ADARB2: variants seen among roughly 807,000 people sequenced by gnomAD.
ADARB2 encodes the protein adenosine deaminase RNA specific B2 (inactive).
In ADARB2, 25 loss-of-function variants were observed where a neutral mutation model predicts 62.2. The ratio of observed to expected loss-of-function variants is 0.40; its 90% confidence interval spans 0.29 to 0.56. The LOEUF is 0.56. Among genes scored for constraint, ADARB2 ranks in the 20% least tolerant of loss-of-function variants. ADARB2 has a pLI of 0.43. For missense variants in ADARB2, 1,071 were observed against 1,077.4 expected (o/e 0.99, Z 0.08); for synonymous variants, 572 against 500.8 (o/e 1.14, Z -1.90).
At chr10:1,584,182 G>T (rs35193555) in intron 1 of ADARB2, among the ~76,000 whole-genome samples, 15,439 of 152,082 alleles carry the variant, frequency 0.1, 869 homozygotes, top group Admixed American at 0.14. Flanking sequence ...CCAACATCAA[G>T]AAAATGAGAA....
At chr10:1,376,657 G>A (rs1323125150) in intron 2 of ADARB2, among the ~76,000 whole-genome samples, 4 of 152,256 alleles carry the variant, frequency 2.6e-5, no homozygotes, top group Non-Finnish European at 4.4e-5. Context: ...ACAGAAAGGC[G>A]GCTGCTGCAC....
At chr10:1,532,700 G>A (rs1832262382) in intron 1 of ADARB2, among the ~76,000 whole-genome samples, 1 of 152,202 alleles carries the variant, frequency 6.6e-6, no homozygotes. Flanking sequence ...GTGATGATCA[G>A]AAACATTTCT....
At chr10:1,570,240 G>A (rs1314009064) in intron 1 of ADARB2, among the ~76,000 whole-genome samples, 6 of 152,262 alleles carry the variant, frequency 3.9e-5, no homozygotes, top group Middle Eastern at 3.4e-3. Flanking sequence ...AAATGTTTGC[G>A]GTATGGTGAA....
At position 1,243,955 on chromosome 10, in the gene ADARB2, C is replaced by T. The variant is rs959872141; in HGVS notation, c.1193-1656G>A. ...CTCAGGAAGTGACCAGACTTCCCCA[C>T]GCCGCTTTAATCAGAACAGGACACG... On this transcript the variant is annotated intron_variant, in intron 4 of 9. Coordinates refer to ENST00000381312, the MANE Select transcript of ADARB2 (RefSeq NM_018702.4). 2.6e-4 allele frequency among the ~76,000 whole-genome samples: 39 copies of T among 152,360 alleles called. 1 individual carries two copies. Among genetic ancestry groups the T allele is most frequent in the African/African-American group, 7.7e-4 (32 of 41,590 alleles).
intron 1 of ADARB2, among the ~76,000 whole-genome samples, chr10:1,520,169 T>C (rs952843): frequency 0.35 from 52,636 of 152,220 alleles, 9,661 homozygotes; most frequent in Non-Finnish European, 0.42. Context: ...GGTTTTAACT[T>C]GGTAGCACAT....
intron 1 of ADARB2, among the ~76,000 whole-genome samples, chr10:1,697,703 C>G (rs1424092533): frequency 6.6e-6 from 1 of 152,170 alleles, no homozygotes; most frequent in Admixed American, 6.5e-5. Context: ...GGATGTGCTG[C>G]AGTGTGAGTC....
intron 1 of ADARB2, among the ~76,000 whole-genome samples, chr10:1,491,359 C>T (rs1271809345): frequency 6.6e-6 from 1 of 152,164 alleles, no homozygotes; most frequent in Non-Finnish European, 1.5e-5. Context: ...CATGAGCCAC[C>T]GTGCCTGGCT....
chr10:1,467,261 G>A (rs371393192), intron 1 of ADARB2, among the ~76,000 whole-genome samples: 12 of 152,274 alleles, frequency 7.9e-5, no homozygotes, highest in African/African-American at 2.9e-4. Context: ...AAGATTCAGG[G>A]AGATCATTTG....
chr10:1,483,751 A>G (rs1341959552), intron 1 of ADARB2, among the ~76,000 whole-genome samples: 1 of 67,822 alleles, frequency 1.5e-5, no homozygotes, highest in Non-Finnish European at 3.2e-5. Context: ...CACCTGCAGG[A>G]GAGACTGTAA....
intron 1 of ADARB2, among the ~76,000 whole-genome samples, chr10:1,560,431 G>A (rs888881323): frequency 6.6e-6 from 1 of 151,770 alleles, no homozygotes; most frequent in African/African-American, 2.4e-5. Flanking sequence ...TCATCACGAG[G>A]CGCACCCTGG....
intron 3 of ADARB2, among the ~76,000 whole-genome samples, chr10:1,304,500 A>C (rs1252089710): frequency 5.3e-5 from 8 of 152,202 alleles, no homozygotes; most frequent in Non-Finnish European, 1.2e-4. Context: ...CCCAGGAATT[A>C]AACTCAGCTC....
chr10:1,295,634 G>A (rs1831516569), intron 3 of ADARB2, among the ~76,000 whole-genome samples: 1 of 144,764 alleles, frequency 6.9e-6, no homozygotes, highest in Admixed American at 6.7e-5. Context: ...TTTTGGATCT[G>A]CCTCTAGAAT....
chr10:1,682,158 A>G (rs1305083864), intron 1 of ADARB2, among the ~76,000 whole-genome samples: 1 of 152,210 alleles, frequency 6.6e-6, no homozygotes, highest in African/African-American at 2.4e-5. Context: ...AGTCAGGTGC[A>G]AAAATCATGA....
rs78456822 is a variant in ADARB2, at chr10:1,318,651, T to C, written c.1077+44377A>G. Among the ~76,000 whole-genome samples the C allele has an allele frequency of 2.0e-5, 3 of 152,304 alleles. No homozygotes were observed. In the East Asian group the frequency reaches 5.8e-4, roughly 29 times the overall value. The stretch of plus-strand genomic sequence containing the variant: ...AATACTTGCTCATTCAACTCAGCAT[T>C]GATACAAAGGCTGCTCGAGACTGTG... On this transcript the variant is annotated intron_variant, in intron 3 of 9. Transcript: ENST00000381312.
rs1462796232 is a variant in ADARB2, at chr10:1,327,186, C to T, written c.1077+35842G>A. Among the ~76,000 whole-genome samples the T allele has an allele frequency of 2.5e-4, 15 of 59,602 alleles. 4 individuals are homozygous for T. Among genetic ancestry groups the T allele is most frequent in the Non-Finnish European group, 4.9e-4 (12 of 24,478 alleles). The allele number at this position is 59,602 out of a possible 152,430, so 39.1% of individuals were successfully genotyped here. ...AGTTTAGTGCCTGCCCACAGTTCAG[C>T]GCCTCCCCAAGGCACAGCGCCTCCT... On this transcript the variant is annotated intron_variant, in intron 3 of 9. Transcript: ENST00000381312.
intron 1 of ADARB2, among the ~76,000 whole-genome samples, chr10:1,506,303 C>T (rs1831846851): frequency 6.6e-6 from 1 of 152,180 alleles, no homozygotes. Flanking sequence ...TAGAGAAATT[C>T]TGCCCATAAT....
At chr10:1,722,068 G>A (rs937569595) in intron 1 of ADARB2, among the ~76,000 whole-genome samples, 5 of 152,170 alleles carry the variant, frequency 3.3e-5, no homozygotes, top group Non-Finnish European at 5.9e-5. Flanking sequence ...GTAAGATTGG[G>A]AACAGATGGG....
chr10:1,312,357 C>T (rs1487131992), intron 3 of ADARB2, among the ~76,000 whole-genome samples: 1 of 152,202 alleles, frequency 6.6e-6, no homozygotes, highest in African/African-American at 2.4e-5. Flanking sequence ...AGTGAGCCCC[C>T]GGCAGGCCCC....
intron 4 of ADARB2, among the ~76,000 whole-genome samples, chr10:1,243,490 C>T (rs781152570): frequency 9.1e-5 from 13 of 142,350 alleles, no homozygotes; most frequent in Admixed American, 4.9e-4. Context: ...GAGCGCTTCT[C>T]GCTTCTCACA....
Sources: allele counts gnomAD v4.1 joint callset (sites outside exome capture counted in the v4.1 genomes callset), GRCh38; gene constraint gnomAD v4.1.1; transcripts MANE v1.5; gene names NCBI Gene and HGNC (gene_info 2026-07-23, HGNC 2026-07-21).